CSMD1: variants seen among roughly 807,000 people sequenced by gnomAD.
CSMD1 encodes CUB and sushi domain-containing protein 1.
In CSMD1, 213 loss-of-function variants were observed where a neutral mutation model predicts 417.5. The ratio of observed to expected loss-of-function variants is 0.51; its 90% CI spans 0.46 to 0.57. The LOEUF (loss-of-function observed/expected upper bound fraction) is 0.57, where lower values mean the gene tolerates loss of function less well. Among genes scored for constraint, CSMD1 ranks in the 20% least tolerant of loss-of-function variants. The pLI is 0.00. For missense variants in CSMD1, 6,923 were observed against 4,529.7 expected, an observed-to-expected ratio of 1.53 and a Z score of -15.17; for synonymous variants, 2,862 against 1,736.8, an observed-to-expected ratio of 1.65 and a Z score of -16.11.
chr8:3,625,241 G>T (rs1271703723), intron 7 of CSMD1, among the ~76,000 whole-genome samples: 1 of 152,132 alleles, frequency 6.6e-6, no homozygotes, highest in African/African-American at 2.4e-5. Flanking sequence ...AACATTAGAA[G>T]CTTTAAATGA....
intron 3 of CSMD1, among the ~76,000 whole-genome samples, chr8:4,417,646 T>A (rs1020109350): frequency 2.6e-5 from 4 of 151,990 alleles, no homozygotes; most frequent in African/African-American, 9.7e-5. Flanking sequence ...ACTTGGTGGG[T>A]CAAATAACAG....
At position 3,205,593 on chromosome 8, in the gene CSMD1, G is replaced by A. The variant is rs1035269936; in HGVS notation, c.4895C>T (p.Ser1632Leu). 1.3e-6 allele frequency: 2 copies of A among 1,586,486 alleles called. No homozygotes were observed. Among genetic ancestry groups the A allele is most frequent in the African/African-American group, 1.3e-5 (1 of 74,618 alleles). Residue 1632 changes from serine (S) to leucine (L), a missense_variant, in exon 31 of 70, where the codon TCA (serine) becomes TTA (leucine). Ser to Leu is a moderately radical substitution (Grantham distance 145, BLOSUM62 -2). Coordinates refer to ENST00000635120, the MANE Select transcript of CSMD1 (RefSeq NM_033225.6). ...NAPCGGQYTG[S>L]EGVVLSPNYP... is the part of the protein sequence containing the mutation. Reference sequence around the variant, plus strand: ...GTTTGGTGATAAAACTACCCCTTCTGATCCCGTGTACTGGCCTCCACAGGG... The same window carrying A: ...GTTTGGTGATAAAACTACCCCTTCTAATCCCGTGTACTGGCCTCCACAGGG...
intron 1 of CSMD1, chr8:4,788,194 G>A: frequency 1.3e-6 from 2 of 1,594,922 alleles, no homozygotes; most frequent in Middle Eastern, 2.0e-4. Flanking sequence ...GGCATTCCAT[G>A]TGAACTTTGA....
chr8:3,942,114 T>C (rs942802724), intron 5 of CSMD1, among the ~76,000 whole-genome samples: 1 of 151,934 alleles, frequency 6.6e-6, no homozygotes, highest in Non-Finnish European at 1.5e-5. Context: ...CCTGATGATC[T>C]GTCACGCTGA....
chr8:3,900,925 G>A (rs1807707424), intron 5 of CSMD1, among the ~76,000 whole-genome samples: 1 of 152,140 alleles, frequency 6.6e-6, no homozygotes, highest in African/African-American at 2.4e-5. Flanking sequence ...CAAACACTAT[G>A]GATTATTAAA....
intron 2 of CSMD1, among the ~76,000 whole-genome samples, chr8:4,445,019 A>T (rs530451590): frequency 1.9e-4 from 29 of 152,364 alleles, no homozygotes; most frequent in Non-Finnish European, 2.8e-4. Flanking sequence ...TGTTAAAATG[A>T]AAACCTATAC....
chr8:3,999,067 A>C (rs1815455126), intron 4 of CSMD1, among the ~76,000 whole-genome samples: 1 of 150,584 alleles, frequency 6.6e-6, no homozygotes, highest in African/African-American at 2.4e-5. Flanking sequence ...TATATAAATT[A>C]CATATATGAG....
At chr8:4,768,413 G>T (rs536533003) in intron 1 of CSMD1, among the ~76,000 whole-genome samples, 1 of 152,180 alleles carries the variant, frequency 6.6e-6, no homozygotes, top group Non-Finnish European at 1.5e-5. Flanking sequence ...AGTCTGCCGG[G>T]TGTCAGCGAC....
chr8:4,062,508 G>A (rs762246546), intron 3 of CSMD1, among the ~76,000 whole-genome samples: 1 of 152,096 alleles, frequency 6.6e-6, no homozygotes, highest in Non-Finnish European at 1.5e-5. Flanking sequence ...CATTCTAAGT[G>A]GGGAAATGTA....
chr8:3,479,274 A>G (rs1158550933), intron 11 of CSMD1, among the ~76,000 whole-genome samples: 1 of 152,044 alleles, frequency 6.6e-6, no homozygotes, highest in Non-Finnish European at 1.5e-5. Context: ...TTTTGCCATT[A>G]TTTTTATTTA....
intron 3 of CSMD1, among the ~76,000 whole-genome samples, chr8:4,249,112 C>T (rs1802891271): frequency 6.6e-6 from 1 of 152,166 alleles, no homozygotes; most frequent in Non-Finnish European, 1.5e-5. Context: ...CTCAACCTTT[C>T]CCCAGTTACA....
chr8:4,804,728 T>C (rs572300928), intron 1 of CSMD1, among the ~76,000 whole-genome samples: 3 of 152,354 alleles, frequency 2.0e-5, no homozygotes, highest in Non-Finnish European at 4.4e-5. Context: ...GACTGCTATA[T>C]GAAATGCCTG....
intron 1 of CSMD1, among the ~76,000 whole-genome samples, chr8:4,834,985 GAAAGAAAGAAAGAAAGAAAGAAAGAAA>G (rs1800386016): frequency 2.9e-5 from 1 of 34,828 alleles, no homozygotes; most frequent in Admixed American, 5.2e-4. Context: ...AAAAAAGAAA[GAAAGAAAGAAAGAAAGAAAGAAAGAAA>G]AAAAAATCAC....
chr8:3,893,356 T>TATATATATATATATATATATATAA (rs1807121479), intron 5 of CSMD1, among the ~76,000 whole-genome samples: 1 of 136,498 alleles, frequency 7.3e-6, no homozygotes, highest in Admixed American at 7.6e-5. Flanking sequence ...TATATATATA[T>TATATATATATATATATATATATAA]ATATATTATT....
At chr8:2,998,672 C>G (rs531257974) in intron 53 of CSMD1, among the ~76,000 whole-genome samples, 1 of 152,124 alleles carries the variant, frequency 6.6e-6, no homozygotes, top group Non-Finnish European at 1.5e-5. Flanking sequence ...ATGAAATTAG[C>G]AAAATAACTA....
intron 2 of CSMD1, among the ~76,000 whole-genome samples, chr8:4,431,519 C>T (rs1797871868): frequency 6.6e-6 from 1 of 151,478 alleles, no homozygotes; most frequent in South Asian, 2.1e-4. Flanking sequence ...TACTCAGTTA[C>T]ACTTTATAAC....
At chr8:4,308,885 C>T (rs186020987) in intron 3 of CSMD1, among the ~76,000 whole-genome samples, 2 of 152,284 alleles carry the variant, frequency 1.3e-5, no homozygotes, top group African/African-American at 2.4e-5. Context: ...GCTATAAACA[C>T]ATGGTTTAAA....
chr8:4,850,773 C>T (rs938827878), intron 1 of CSMD1, among the ~76,000 whole-genome samples: 1 of 152,042 alleles, frequency 6.6e-6, no homozygotes, highest in Non-Finnish European at 1.5e-5. Context: ...AACCCCAAAC[C>T]TAGTGGCTTG....
chr8:3,647,706 T>G (rs1797647472), intron 7 of CSMD1, among the ~76,000 whole-genome samples: 1 of 152,308 alleles, frequency 6.6e-6, no homozygotes, highest in African/African-American at 2.4e-5. Context: ...ATTGATTTTC[T>G]TTGGAGAAAA....
Sources: allele counts gnomAD v4.1 joint callset (sites outside exome capture counted in the v4.1 genomes callset), GRCh38; gene constraint gnomAD v4.1.1; transcripts MANE v1.5; gene names NCBI Gene and HGNC (gene_info 2026-07-23, HGNC 2026-07-21).